The following DGKB variants were observed in gnomAD, a reference collection of about 807,000 sequenced individuals.
DGKB encodes the protein diacylglycerol kinase beta.
A neutral mutation model predicts 114.3 loss-of-function variants in DGKB; 67 were observed. The ratio of observed to expected loss-of-function variants is 0.59; its 90% CI spans 0.48 to 0.72. The LOEUF is 0.72. Ranked by LOEUF, DGKB falls within the 30% of genes least tolerant of loss-of-function variation. The pLI, the probability that DGKB is intolerant of heterozygous loss-of-function variation, is 0.00. For synonymous variants in DGKB, 398 were observed against 323.1 expected, an observed-to-expected ratio of 1.23 and a Z score of -2.49; for missense variants, 907 against 975.2, an observed-to-expected ratio of 0.93 and a Z score of 0.93.
At chr7:14,527,985 T>C (rs983960406) in intron 20 of DGKB, among the ~76,000 whole-genome samples, 34 of 152,236 alleles carry the variant, frequency 2.2e-4, no homozygotes, top group African/African-American at 8.2e-4. Flanking sequence ...CCCTATACCA[T>C]GTAATTTTAA....
At chr7:14,556,549 C>T (rs1219376977) in intron 20 of DGKB, among the ~76,000 whole-genome samples, 2 of 151,970 alleles carry the variant, frequency 1.3e-5, no homozygotes, top group African/African-American at 4.8e-5. Context: ...CCCTATGCCC[C>T]TATACGTGTA....
chr7:14,660,737 C>T (rs1460458779), intron 13 of DGKB, among the ~76,000 whole-genome samples: 2 of 151,894 alleles, frequency 1.3e-5, no homozygotes, highest in African/African-American at 4.8e-5. Flanking sequence ...AAAGAGCCCG[C>T]ATCGCCAAGT....
chr7:14,613,411 G>C lies in DGKB; in HGVS notation c.1287C>G (p.Val429=). Residue 429 remains valine (V), a splice_region_variant and synonymous_variant, in exon 16 of 26, where the codon GTC becomes GTG. Transcript: ENST00000402815. The stretch of plus-strand genomic sequence containing the variant: ...GTGGGTGAGTACCAGGCACAGGAGT[G>C]ACCTATAAGAAAAGTTATATACATG... ...SVTVDGQGLQ[V]TPVPGTHPLL... The C allele has an allele frequency of 6.5e-7, 1 of 1,548,320 alleles. No homozygotes were observed. Among genetic ancestry groups the C allele is most frequent in the Non-Finnish European group, 8.8e-7 (1 of 1,140,462 alleles).
rs1446187743 is a variant in DGKB, at chr7:14,148,102, GAAAA to G, written c.*1025_*1028del. The G allele has an allele frequency of 6.6e-6, 1 of 152,170 alleles. No homozygotes were observed. The highest frequency in any genetic ancestry group is 6.6e-5 in the Admixed American group (1 of 15,258). 9.4% of individuals were successfully genotyped at this position (152,170 alleles called of 1,614,324 possible). ...ATTACACCTATATTTATAAATGACTGAAAAAAGCAAGAAATCATCTATTGAGCTT... is the reference window on the plus strand; with the variant it reads ...ATTACACCTATATTTATAAATGACTGAAGCAAGAAATCATCTATTGAGCTT... On this transcript the variant is annotated 3_prime_UTR_variant, in exon 26 of 26. Coordinates refer to ENST00000402815, the MANE Select transcript of DGKB (RefSeq NM_001350709.2).
At chr7:14,592,403 T>C (rs893849445) in intron 17 of DGKB, among the ~76,000 whole-genome samples, 1 of 151,966 alleles carries the variant, frequency 6.6e-6, no homozygotes, top group Non-Finnish European at 1.5e-5. Context: ...CATACTTATC[T>C]CTGATTATTC....
chr7:14,819,012 G>T (rs531988012), intron 2 of DGKB, among the ~76,000 whole-genome samples: 1 of 152,156 alleles, frequency 6.6e-6, no homozygotes, highest in African/African-American at 2.4e-5. Context: ...CAAATCTTTA[G>T]GCTATTTGCT....
At chr7:14,693,040 A>G (rs1408720745) in intron 9 of DGKB, among the ~76,000 whole-genome samples, 1 of 152,310 alleles carries the variant, frequency 6.6e-6, no homozygotes, top group African/African-American at 2.4e-5. Context: ...ATCTTGAGAA[A>G]TGACTTTTAA....
chr7:14,570,331 TC>T (rs1798192685), intron 20 of DGKB, among the ~76,000 whole-genome samples: 1 of 152,010 alleles, frequency 6.6e-6, no homozygotes, highest in African/African-American at 2.4e-5. Flanking sequence ...GCTTTCCTTT[TC>T]AAGTTTTTTG....
At chr7:14,530,522 A>G (rs1239774036) in intron 20 of DGKB, among the ~76,000 whole-genome samples, 1 of 151,538 alleles carries the variant, frequency 6.6e-6, no homozygotes, top group Non-Finnish European at 1.5e-5. Context: ...CCTCCTTTAT[A>G]AAGAGGTGAG....
intron 7 of DGKB, 124 bp downstream of exon 7, chr7:14,701,557 C>T: frequency 1.5e-6 from 1 of 675,574 alleles, no homozygotes; most frequent in Non-Finnish European, 2.6e-6. Flanking sequence ...GATAAAAATG[C>T]CATATGAGTG....
At chr7:14,231,300 C>T (rs1258598726) in intron 23 of DGKB, among the ~76,000 whole-genome samples, 1 of 151,584 alleles carries the variant, frequency 6.6e-6, no homozygotes, top group Non-Finnish European at 1.5e-5. Context: ...CCATGCTCAG[C>T]CAATTTTTAA....
chr7:14,299,859 T>G (rs1803214931), intron 23 of DGKB, among the ~76,000 whole-genome samples: 1 of 151,906 alleles, frequency 6.6e-6, no homozygotes. Flanking sequence ...AATCAAGGTA[T>G]TATTTCTCTG....
chr7:14,403,571 G>T (rs1823471580), intron 21 of DGKB, among the ~76,000 whole-genome samples: 1 of 151,646 alleles, frequency 6.6e-6, no homozygotes, highest in South Asian at 2.1e-4. Context: ...ATCAATTCAT[G>T]CTGCTTTCTG....
chr7:14,787,222 G>C (rs570534388), intron 2 of DGKB, among the ~76,000 whole-genome samples: 1 of 152,294 alleles, frequency 6.6e-6, no homozygotes, highest in Admixed American at 6.5e-5. Flanking sequence ...TTATAGCGGA[G>C]TGTGGGGGCA....
At chr7:14,195,409 G>A (rs1021235083) in intron 23 of DGKB, among the ~76,000 whole-genome samples, 8 of 152,126 alleles carry the variant, frequency 5.3e-5, no homozygotes. Flanking sequence ...CTAAGGGGAT[G>A]AAGTCACCAG....
intron 25 of DGKB, among the ~76,000 whole-genome samples, chr7:14,157,868 ACAAAAACAC>A (rs1783259597): frequency 6.6e-6 from 1 of 152,204 alleles, no homozygotes; most frequent in African/African-American, 2.4e-5. Flanking sequence ...ACAAAACAAT[ACAAAAACAC>A]TTCTTTTCTT....
chr7:14,194,153 T>C (rs988469852), intron 23 of DGKB, among the ~76,000 whole-genome samples: 2 of 152,070 alleles, frequency 1.3e-5, no homozygotes, highest in Non-Finnish European at 2.9e-5. Flanking sequence ...TCCCCAAAAA[T>C]AGTCAAAATA....
intron 2 of DGKB, among the ~76,000 whole-genome samples, chr7:14,773,796 T>C (rs901071358): frequency 2.6e-5 from 4 of 152,204 alleles, no homozygotes; most frequent in African/African-American, 9.6e-5. Context: ...TAAATATATA[T>C]ATATACTTGG....
At chr7:14,380,650 A>C (rs1399124487) in intron 21 of DGKB, among the ~76,000 whole-genome samples, 1 of 152,212 alleles carries the variant, frequency 6.6e-6, no homozygotes, top group Admixed American at 6.5e-5. Context: ...TTAGAAAACA[A>C]ATTTAATAAT....
Sources: allele counts gnomAD v4.1 joint callset (sites outside exome capture counted in the v4.1 genomes callset), GRCh38; gene constraint gnomAD v4.1.1; transcripts MANE v1.5; gene names NCBI Gene and HGNC (gene_info 2026-07-23, HGNC 2026-07-21).